The following ANOS1 variants were observed in gnomAD, a reference collection of about 807,000 sequenced individuals.
ANOS1 encodes anosmin 1.
A neutral mutation model predicts 59.0 loss-of-function variants in ANOS1; 6 were observed. That is an observed-to-expected ratio of 0.10 (90% CI 0.06 to 0.20). The LOEUF (loss-of-function observed/expected upper bound fraction) is 0.20. Among genes scored for constraint, ANOS1 ranks in the 10% least tolerant of loss-of-function variants. The probability of loss-of-function intolerance (pLI) is 1.00; values close to 1 mark genes in which losing one functional copy is unlikely to be tolerated. For synonymous variants in ANOS1, 217 were observed against 223.4 expected, an observed-to-expected ratio of 0.97 and a Z score of 0.25; for missense variants, 433 against 542.3, an observed-to-expected ratio of 0.80 and a Z score of 2.00.
intron 3 of ANOS1, among the ~76,000 whole-genome samples, chrX:8,607,513 A>C (rs1023847814): frequency 8.9e-6 from 1 of 111,940 alleles, no homozygotes; most frequent in Non-Finnish European, 1.9e-5. Flanking sequence ...TTTTGAAAAC[A>C]AATGTGTCAC....
At chrX:8,694,019 G>A (rs1002833088) in intron 2 of ANOS1, among the ~76,000 whole-genome samples, 1 of 111,319 alleles carries the variant, frequency 9.0e-6, no homozygotes, top group Non-Finnish European at 1.9e-5. Flanking sequence ...ACCGCCCCAG[G>A]CTGGAATATT....
rs186745191 is a variant in ANOS1 at position 8,581,220 on chromosome X, G to C, written c.856+4047C>G. 1.9e-4 allele frequency among the ~76,000 whole-genome samples: 21 copies of C among 110,977 alleles called. No homozygotes were observed. In the Admixed American group the frequency reaches 1.9e-3, roughly 10 times the overall value. On this transcript the variant is annotated intron_variant, in intron 6 of 13. Coordinates refer to ENST00000262648, the MANE Select transcript of ANOS1 (RefSeq NM_000216.4). ...TGAATCATGGGGGCAGGTCTTTCTC[G>C]TGCTATTCTCGTGATAGTGAATAAG...
Position 8,597,163 on chromosome X carries a change from C to T in ANOS1, c.412G>A (p.Glu138Lys). ...LVKQGDCPAPEKASGFAAACV... is the reference protein window; with the variant it reads ...LVKQGDCPAPKKASGFAAACV... ...GCGGCCGCAAATCCACTGGCTTTCT[C>T]AGGAGCCGGACAGTCCCCCTGCTTC... Residue 138 changes from glutamate to lysine, a missense_variant, in exon 4 of 14, where the codon GAG becomes AAG. By Grantham distance (56) the Glu-to-Lys change is moderately conservative (BLOSUM62 1). Transcript: ENST00000262648. 2 of 1,211,708 alleles carry T rather than the reference C, an allele frequency of 1.7e-6. No individual in the cohort carries two copies. The highest frequency in any genetic ancestry group is 2.2e-6 in the Non-Finnish European group (2 of 895,487).
chrX:8,694,212 G>A (rs1276090737), intron 2 of ANOS1, among the ~76,000 whole-genome samples: 2 of 111,451 alleles, frequency 1.8e-5, no homozygotes, highest in African/African-American at 6.5e-5. Flanking sequence ...CTATTGGAAC[G>A]AGCAAATGAA....
intron 2 of ANOS1, among the ~76,000 whole-genome samples, chrX:8,640,770 T>C (rs1186252743): frequency 1.8e-5 from 2 of 111,595 alleles, no homozygotes; most frequent in African/African-American, 6.5e-5. Flanking sequence ...AGCCTTTATG[T>C]AGAAAAGCTT....
chrX:8,581,613 A>T (rs1220129091), intron 6 of ANOS1, among the ~76,000 whole-genome samples: 1 of 112,025 alleles, frequency 8.9e-6, no homozygotes, highest in Non-Finnish European at 1.9e-5. Context: ...TTAACAAATC[A>T]GTAAAACGGT....
At chrX:8,534,184 T>A (rs1185922682) in intron 13 of ANOS1, 135 bp downstream of exon 13, 1 of 651,822 alleles carries the variant, frequency 1.5e-6, no homozygotes, top group Non-Finnish European at 2.4e-6. Flanking sequence ...GGAGAAAGAA[T>A]TTCAGATGAT....
intron 4 of ANOS1, among the ~76,000 whole-genome samples, chrX:8,596,265 A>C (rs748174021): frequency 3.6e-5 from 4 of 111,059 alleles, no homozygotes; most frequent in Non-Finnish European, 7.5e-5. Context: ...CCTGTTGCCA[A>C]AAAGGTTGGG....
chrX:8,683,947 T>C (rs1037492590), intron 2 of ANOS1, among the ~76,000 whole-genome samples: 6 of 111,662 alleles, frequency 5.4e-5, no homozygotes, highest in Non-Finnish European at 1.1e-4. Context: ...TGCTACTTTT[T>C]CCTGACAAAT....
Position 8,587,941 on chromosome X carries a change from T to C in ANOS1, c.579A>G (p.Thr193=). ...CCTCCAGCTGTCCAGACTGCAGTTC[T>C]GTAAATCGTAACTCTTTTCTGGGCT... ...PLKPRKELRF[T]ELQSGQLEVK... Residue 193 remains threonine (T), a synonymous_variant, in exon 5 of 14, where the codon ACA becomes ACG. Transcript: ENST00000262648. 1 of 1,210,439 alleles carries C rather than the reference T, an allele frequency of 8.3e-7. No individual in the cohort carries two copies. The highest frequency in any genetic ancestry group is 1.1e-6 in the Non-Finnish European group (1 of 894,523).
chrX:8,558,449 C>T (rs1872965971), intron 8 of ANOS1, among the ~76,000 whole-genome samples: 1 of 109,936 alleles, frequency 9.1e-6, no homozygotes, highest in Non-Finnish European at 1.9e-5. Flanking sequence ...ATGAACCCCC[C>T]CTTCAAAATC....
chrX:8,619,289 C>G (rs758420392), intron 3 of ANOS1, among the ~76,000 whole-genome samples: 101 of 110,535 alleles, frequency 9.1e-4, no homozygotes, highest in Middle Eastern at 4.7e-3. Context: ...TTGATACAAA[C>G]ATTTAACTTC....
At chrX:8,572,369 CT>C (rs76919257) in intron 6 of ANOS1, among the ~76,000 whole-genome samples, 11,118 of 110,621 alleles carry the variant, frequency 0.1, 524 homozygotes, top group Admixed American at 0.24. Context: ...CCACTTAGAA[CT>C]GAGAGCATGC....
intron 2 of ANOS1, among the ~76,000 whole-genome samples, chrX:8,685,477 G>GA (rs1932493995): frequency 2.1e-5 from 2 of 95,573 alleles, no homozygotes; most frequent in African/African-American, 3.8e-5. Context: ...CAATTGAACA[G>GA]AAAAAAGAAA....
intron 1 of ANOS1, among the ~76,000 whole-genome samples, chrX:8,727,174 A>G (rs1441165852): frequency 2.7e-5 from 3 of 111,959 alleles, no homozygotes; most frequent in African/African-American, 9.8e-5. Flanking sequence ...AGCACACTGC[A>G]GTACTCACTG....
intron 5 of ANOS1, among the ~76,000 whole-genome samples, chrX:8,587,285 C>G (rs1012352120): frequency 1.8e-5 from 2 of 111,357 alleles, no homozygotes; most frequent in Non-Finnish European, 3.8e-5. Flanking sequence ...TTGACTAAGA[C>G]AAAGAAGAAA....
intron 2 of ANOS1, among the ~76,000 whole-genome samples, chrX:8,681,504 C>T (rs1932425508): frequency 9.0e-6 from 1 of 111,429 alleles, no homozygotes; most frequent in Non-Finnish European, 1.9e-5. Context: ...TTTTTCTCTT[C>T]CTCATGGCCA....
intron 10 of ANOS1, 26 bp from the exon 11 acceptor site, chrX:8,536,968 C>T: frequency 8.8e-7 from 1 of 1,135,998 alleles, no homozygotes; most frequent in South Asian, 1.8e-5. Flanking sequence ...GAGAATTATG[C>T]TAGCAATAAA....
At chrX:8,661,319 T>C (rs773702999) in intron 2 of ANOS1, among the ~76,000 whole-genome samples, 8 of 109,353 alleles carry the variant, frequency 7.3e-5, no homozygotes, top group Non-Finnish European at 1.5e-4. Context: ...GTGGGCAGGG[T>C]TGGTGCCTCC....
Sources: gnomAD v4.1 joint callset for allele counts (sites outside exome capture counted in the v4.1 genomes callset) on GRCh38, gnomAD v4.1.1 for gene constraint, MANE v1.5 for transcripts, NCBI Gene and HGNC (gene_info 2026-07-23, HGNC 2026-07-21) for gene names.